Variants in ESRRG observed in about 807,000 individuals in gnomAD.
The protein encoded by ESRRG is estrogen-related receptor gamma.
In ESRRG, 13 loss-of-function variants were observed where a neutral mutation model predicts 44.0. The observed-to-expected ratio is 0.30, with a 90% CI of 0.19 to 0.47. The LOEUF (loss-of-function observed/expected upper bound fraction) is 0.47. ESRRG is among the 20% of genes least tolerant of loss of function. ESRRG has a pLI of 1.00. For missense variants in ESRRG, 395 were observed against 580.6 expected, an observed-to-expected ratio of 0.68 and a Z score of 3.29; for synonymous variants, 215 against 214.6, an observed-to-expected ratio of 1.00 and a Z score of -0.02.
At chr1:216,727,868 C>A (rs1312499236), upstream of ESRRG, among the ~76,000 whole-genome samples, 1 of 151,912 alleles carries the variant, frequency 6.6e-6, no homozygotes, top group Non-Finnish European at 1.5e-5. Flanking sequence ...ACACACTAAA[C>A]TCTTTTCCCA....
upstream of ESRRG, among the ~76,000 whole-genome samples, chr1:217,090,810 C>CT (rs1184905676): frequency 6.6e-6 from 1 of 152,042 alleles, no homozygotes; most frequent in African/African-American, 2.4e-5. Context: ...AGCAGGAAAA[C>CT]TTTTTTTTAA....
rs191462653 is a variant in ESRRG, at chr1:216,887,860, C to T, written c.-14+51722G>A. On this transcript the variant is annotated intron_variant, in intron 2 of 7. Transcript: ENST00000359162. ...AAAGCCATAAGAAGAAGCACTTTCC[C>T]CATTTAAAAATGTTAGTTTTCAGTC... 2.7e-3 allele frequency among the ~76,000 whole-genome samples: 408 copies of T among 152,232 alleles called. 1 individual carries two copies. The highest frequency in any genetic ancestry group is 9.6e-3 in the African/African-American group (397 of 41,560).
At chr1:217,035,335 A>AAAAG (rs1558049407) in intron 1 of ESRRG, among the ~76,000 whole-genome samples, 1 of 151,392 alleles carries the variant, frequency 6.6e-6, no homozygotes, top group Admixed American at 6.6e-5. Flanking sequence ...AAAAAAAAAA[A>AAAAG]AAAAAAGTGG....
At chr1:216,837,410 C>A (rs201511384) in intron 2 of ESRRG, among the ~76,000 whole-genome samples, 66 of 148,264 alleles carry the variant, frequency 4.5e-4, no homozygotes, top group African/African-American at 7.0e-4. Flanking sequence ...GACTCCGTAT[C>A]AAAAAAAAAA....
At chr1:217,116,614 T>C (rs1205809728) in intron 1 of ESRRG, among the ~76,000 whole-genome samples, 1 of 152,220 alleles carries the variant, frequency 6.6e-6, no homozygotes, top group African/African-American at 2.4e-5. Flanking sequence ...ATTTTGACAT[T>C]ACTGATGGGA....
chr1:216,803,144 G>A (rs537211211), intron 2 of ESRRG, among the ~76,000 whole-genome samples: 2 of 152,154 alleles, frequency 1.3e-5, no homozygotes, highest in East Asian at 3.9e-4. Context: ...GCTTTCTCTG[G>A]TAAGAACGTG....
At chr1:216,748,564 A>T (rs1213058692) in intron 2 of ESRRG, among the ~76,000 whole-genome samples, 1 of 152,180 alleles carries the variant, frequency 6.6e-6, no homozygotes, top group Non-Finnish European at 1.5e-5. Context: ...AACTTGCTGT[A>T]TCTGAACACA....
chr1:216,719,796 G>A (rs1228878108), intron 1 of ESRRG, among the ~76,000 whole-genome samples: 1 of 152,072 alleles, frequency 6.6e-6, no homozygotes, highest in Admixed American at 6.5e-5. Context: ...GTTAATTACC[G>A]CTGCAACACA....
chr1:216,975,692 G>A (rs1479004810), intron 1 of ESRRG, among the ~76,000 whole-genome samples: 1 of 152,178 alleles, frequency 6.6e-6, no homozygotes, highest in East Asian at 1.9e-4. Context: ...AGGTACTAGA[G>A]AAAAATAGGT....
intron 2 of ESRRG, among the ~76,000 whole-genome samples, chr1:216,769,221 A>T (rs1402275611): frequency 6.6e-6 from 1 of 152,130 alleles, no homozygotes; most frequent in African/African-American, 2.4e-5. Flanking sequence ...ATGTCCCAAA[A>T]TAAGAATGAA....
intron 1 of ESRRG, among the ~76,000 whole-genome samples, chr1:216,999,211 A>G (rs1006239404): frequency 3.9e-5 from 6 of 152,148 alleles, no homozygotes; most frequent in African/African-American, 1.4e-4. Context: ...GGAAGACAAG[A>G]GCTGAAACTG....
intron 5 of ESRRG, among the ~76,000 whole-genome samples, chr1:216,528,570 G>T (rs1276539312): frequency 6.6e-6 from 1 of 152,152 alleles, no homozygotes; most frequent in East Asian, 1.9e-4. Flanking sequence ...ACCTAGTGAA[G>T]TCATGGATGA....
intron 2 of ESRRG, among the ~76,000 whole-genome samples, chr1:216,788,846 A>G (rs527905749): frequency 2.0e-4 from 30 of 152,282 alleles, no homozygotes; most frequent in African/African-American, 7.0e-4. Flanking sequence ...CTTGATTCCA[A>G]TTCTCATGAA....
intron 2 of ESRRG, among the ~76,000 whole-genome samples, chr1:216,938,292 T>A (rs1265160261): frequency 6.6e-6 from 1 of 152,224 alleles, no homozygotes; most frequent in Non-Finnish European, 1.5e-5. Flanking sequence ...CCAAGTTTTC[T>A]GAAAGCAGGG....
At chr1:217,044,070 A>C (rs1253394938) in intron 1 of ESRRG, among the ~76,000 whole-genome samples, 1 of 152,200 alleles carries the variant, frequency 6.6e-6, no homozygotes, top group Non-Finnish European at 1.5e-5. Flanking sequence ...CAATCTCAAG[A>C]CCCAGTCAAT....
At chr1:216,581,444 T>C (rs1160821204) in intron 3 of ESRRG, among the ~76,000 whole-genome samples, 1 of 152,202 alleles carries the variant, frequency 6.6e-6, no homozygotes, top group African/African-American at 2.4e-5. Context: ...ATCAAATTTC[T>C]TTATTTTTCT....
At chr1:217,133,409 A>C (rs2092992624) in intron 1 of ESRRG, among the ~76,000 whole-genome samples, 1 of 152,252 alleles carries the variant, frequency 6.6e-6, no homozygotes, top group South Asian at 2.1e-4. Flanking sequence ...TGCCGGAGGT[A>C]CTGGGAGCCC....
At position 216,530,055 on chromosome 1, in the gene ESRRG, T is replaced by C. The variant is rs183147793; in HGVS notation, c.863-10634A>G. On this transcript the variant is annotated intron_variant, in intron 5 of 6. Coordinates refer to ENST00000408911, the MANE Select transcript of ESRRG (RefSeq NM_001438.4). ...TGAACACAGGAGGCAAATGTTGCAG[T>C]GAGCTAAGATTGCACAACTGCACTC... is the stretch of plus-strand genomic sequence containing the variant. Among the ~76,000 whole-genome samples, 555 of 134,838 alleles carry C rather than the reference T, an allele frequency of 4.1e-3. 4 individuals are homozygous for C. Among genetic ancestry groups the C allele is most frequent in the African/African-American group, 0.016 (534 of 34,254 alleles). 88.5% of individuals were successfully genotyped at this position (134,838 alleles called of 152,430 possible). A position where few individuals can be genotyped will look rare whatever the true frequency, so the allele number is the denominator to read the frequency against.
rs1365126850 is a variant in ESRRG, at chr1:216,736,875, C to T, written c.-13-59384G>A. Reference sequence around the variant, plus strand: ...ACATGCCAAGATGTGAGAATAGGATCTCTATAGACCTGTTTCCCTCTAAAG... The same window carrying T: ...ACATGCCAAGATGTGAGAATAGGATTTCTATAGACCTGTTTCCCTCTAAAG... On this transcript the variant is annotated intron_variant, in intron 2 of 7. Coordinates refer to the ESRRG transcript ENST00000359162. Among the ~76,000 whole-genome samples, 4 of 152,130 alleles carry T rather than the reference C, an allele frequency of 2.6e-5. No homozygotes were observed. In the South Asian group the frequency reaches 8.3e-4, roughly 31 times the overall value.
Sources: gnomAD v4.1 joint callset for allele counts (sites outside exome capture counted in the v4.1 genomes callset) on GRCh38, gnomAD v4.1.1 for gene constraint, MANE v1.5 for transcripts, NCBI Gene and HGNC (gene_info 2026-07-23, HGNC 2026-07-21) for gene names.